IL1R2: variants seen among roughly 807,000 people sequenced by gnomAD.
IL1R2 encodes the protein interleukin-1 receptor type 2.
IL1R2 carries 46 observed loss-of-function variants against 39.5 expected under a neutral mutation model. The ratio of observed to expected loss-of-function variants is 1.16; its 90% CI spans 0.92 to 1.49. IL1R2 has a LOEUF of 1.49. IL1R2 is among the 40% of genes most tolerant of loss of function. IL1R2 has a pLI of 0.00. For missense variants in IL1R2, 537 were observed against 502.0 expected (o/e 1.07, Z -0.67); for synonymous variants, 207 against 189.6 (o/e 1.09, Z -0.75).
intron 7 of IL1R2, among the ~76,000 whole-genome samples, chr2:102,025,648 A>T (rs936057588): frequency 6.6e-6 from 1 of 152,224 alleles, no homozygotes; most frequent in African/African-American, 2.4e-5. Context: ...GGCTGTCTGC[A>T]GGTTTCCAGA....
intron 4 of IL1R2, chr2:102,016,601 T>G (rs923290833): frequency 6.5e-6 from 1 of 153,112 alleles, no homozygotes; most frequent in Non-Finnish European, 1.5e-5. Context: ...TGTAGGAGGC[T>G]CTACCATCTA....
At chr2:102,012,910 C>T (rs867268384) in intron 3 of IL1R2, among the ~76,000 whole-genome samples, 2 of 152,082 alleles carry the variant, frequency 1.3e-5, no homozygotes, top group East Asian at 1.9e-4. Flanking sequence ...TCTGGTGGGA[C>T]CTTGGGCTTA....
intron 1 of IL1R2, among the ~76,000 whole-genome samples, chr2:102,002,960 GT>G (rs1675994557): frequency 6.6e-6 from 1 of 150,736 alleles, no homozygotes; most frequent in African/African-American, 2.4e-5. Context: ...GCCTATGTCT[GT>G]GTCTGTGTTT....
intron 3 of IL1R2, 188 bp downstream of exon 3, chr2:102,010,014 CT>C (rs751798817): frequency 2.2e-5 from 15 of 677,388 alleles, no homozygotes; most frequent in East Asian, 1.7e-4. Context: ...TCCATTTAGT[CT>C]TTGCTCAAAT....
At chr2:102,016,258 A>C (rs1676997808) in intron 4 of IL1R2, 1 of 488,072 alleles carries the variant, frequency 2.0e-6, no homozygotes, top group African/African-American at 1.9e-5. Context: ...TAAACAAATA[A>C]AATAACAGTA....
chr2:102,000,778 G>T (rs962524890), intron 1 of IL1R2, among the ~76,000 whole-genome samples: 1 of 152,142 alleles, frequency 6.6e-6, no homozygotes, highest in African/African-American at 2.4e-5. Context: ...TTAGCTCTGT[G>T]ACCTTGGACA....
chr2:101,996,610 C>T (rs72988546), intron 1 of IL1R2, among the ~76,000 whole-genome samples: 3,281 of 146,286 alleles, frequency 0.022, 128 homozygotes, highest in African/African-American at 0.079. Flanking sequence ...GGCACATTTT[C>T]CAGAGAGTGG....
chr2:102,003,977 G>A (rs1019396915), intron 1 of IL1R2, among the ~76,000 whole-genome samples: 7 of 151,128 alleles, frequency 4.6e-5, no homozygotes, highest in African/African-American at 9.8e-5. Flanking sequence ...CTAGGTCTTG[G>A]TCTCGGTCTG....
chr2:102,002,314 CTGTGTCTGTGTCTG>C (rs1559412326), intron 1 of IL1R2, among the ~76,000 whole-genome samples: 1 of 117,348 alleles, frequency 8.5e-6, no homozygotes, highest in Non-Finnish European at 1.8e-5. Context: ...GTGTCTGTGT[CTGTGTCTGTGTCTG>C]TGTGTCTGTG....
chr2:101,998,719 C>G (rs567799072), intron 1 of IL1R2, among the ~76,000 whole-genome samples: 1 of 152,290 alleles, frequency 6.6e-6, no homozygotes, highest in East Asian at 1.9e-4. Context: ...TCAACCAATG[C>G]CCTACATGTG....
intron 5 of IL1R2, among the ~76,000 whole-genome samples, chr2:102,021,394 C>T (rs545914553): frequency 2.0e-4 from 30 of 150,138 alleles, no homozygotes; most frequent in Non-Finnish European, 4.3e-4. Flanking sequence ...CGGCTCACTG[C>T]GACCTCTACC....
At chr2:102,015,411 T>C (rs2073491) in intron 3 of IL1R2, among the ~76,000 whole-genome samples, 24,470 of 152,136 alleles carry the variant, frequency 0.16, 2,311 homozygotes, top group East Asian at 0.29. Context: ...GACAGAAGTA[T>C]TGCAATATAG....
intron 6 of IL1R2, 38 bp downstream of exon 6, chr2:102,022,287 G>A (rs781078644): frequency 6.4e-7 from 1 of 1,551,968 alleles, no homozygotes. Context: ...ACGCACCTGT[G>A]GGGGTGCCTG....
chr2:102,026,045 C>G, intron 7 of IL1R2, 66 bp from the exon 8 acceptor site: 4 of 1,308,150 alleles, frequency 3.1e-6, no homozygotes, highest in Non-Finnish European at 2.2e-6. Context: ...GTTTAGATGT[C>G]TACATTGTGA....
At chr2:101,994,787 T>A (rs1303119904) in intron 1 of IL1R2, among the ~76,000 whole-genome samples, 1 of 152,206 alleles carries the variant, frequency 6.6e-6, no homozygotes, top group Non-Finnish European at 1.5e-5. Context: ...TGGTCTGAAT[T>A]TTTCATAAAT....
intron 1 of IL1R2, among the ~76,000 whole-genome samples, chr2:101,994,229 G>C (rs1675477924): frequency 6.6e-6 from 1 of 152,032 alleles, no homozygotes; most frequent in Non-Finnish European, 1.5e-5. Context: ...TGCTAGTAGG[G>C]GTTCCCTTCT....
intron 7 of IL1R2, chr2:102,024,920 A>T (rs1677640988): frequency 2.2e-6 from 1 of 459,780 alleles, no homozygotes; most frequent in Non-Finnish European, 3.9e-6. Flanking sequence ...CTGTTTCATT[A>T]AACATTGATC....
intron 3 of IL1R2, among the ~76,000 whole-genome samples, chr2:102,013,007 G>A (rs912755452): frequency 3.9e-5 from 6 of 152,178 alleles, no homozygotes; most frequent in South Asian, 2.1e-4. Flanking sequence ...AGGAACTAGC[G>A]TGGGGTCTGC....
chr2:102,022,003 G>A (rs1005012226), intron 5 of IL1R2, 184 bp from the exon 6 acceptor site: 1 of 594,672 alleles, frequency 1.7e-6, no homozygotes, highest in Admixed American at 3.0e-5. Flanking sequence ...TGCTGGGAAA[G>A]TCATTGGCCA....
Sources: allele counts gnomAD v4.1 joint callset (sites outside exome capture counted in the v4.1 genomes callset), GRCh38; gene constraint gnomAD v4.1.1; transcripts MANE v1.5; gene names NCBI Gene and HGNC (gene_info 2026-07-23, HGNC 2026-07-21).